Variants in LRFN2 observed in about 807,000 individuals in gnomAD.
The protein encoded by LRFN2 is leucine rich repeat and fibronectin type III domain containing 2, also known as leucine-rich repeat and fibronectin type-III domain-containing protein 2.
Under a neutral mutation model 37.3 loss-of-function variants are expected in LRFN2, and 18 were observed. The observed-to-expected ratio is 0.48, with a 90% CI of 0.33 to 0.72. The LOEUF (loss-of-function observed/expected upper bound fraction) is 0.72. Ranked by LOEUF, LRFN2 falls within the 30% of genes least tolerant of loss-of-function variation. The probability of loss-of-function intolerance (pLI) is 0.02; values close to 1 mark genes in which losing one functional copy is unlikely to be tolerated. For synonymous variants in LRFN2, 556 were observed against 466.6 expected (o/e 1.19, Z -2.47); for missense variants, 1,006 against 1,060.7 (o/e 0.95, Z 0.72).
intron 1 of LRFN2, among the ~76,000 whole-genome samples, chr6:40,474,564 A>G (rs184963020): frequency 2.2e-3 from 331 of 152,280 alleles, no homozygotes; most frequent in African/African-American, 7.4e-3. Context: ...ATCTGGGCTC[A>G]CTGCAACCTC....
chr6:40,466,101 G>A lies in LRFN2; in HGVS notation c.-18-32970C>T, dbSNP rs558321025. 8.5e-5 allele frequency among the ~76,000 whole-genome samples: 13 copies of A among 152,292 alleles called. No homozygotes were observed. In the East Asian group the frequency reaches 2.5e-3, roughly 29 times the overall value. On this transcript the variant is annotated intron_variant, in intron 1 of 2. Coordinates refer to ENST00000338305, the MANE Select transcript of LRFN2 (RefSeq NM_020737.3). ...GACTCTCTCTTTCATTAGCCACCGA[G>A]CACTTCTTTGGGGTCTGAGATCATG...
intron 1 of LRFN2, among the ~76,000 whole-genome samples, chr6:40,583,740 T>G (rs1470862856): frequency 6.6e-6 from 1 of 152,092 alleles, no homozygotes; most frequent in East Asian, 1.9e-4. Flanking sequence ...ACTACACAGA[T>G]AGGACCCAGT....
At chr6:40,553,883 C>T (rs763217289) in intron 1 of LRFN2, among the ~76,000 whole-genome samples, 43 of 152,322 alleles carry the variant, frequency 2.8e-4, no homozygotes, top group Admixed American at 1.9e-3. Flanking sequence ...CTTCTCACCT[C>T]TGGGGTCTTC....
At chr6:40,471,189 G>A (rs1389119429) in intron 1 of LRFN2, among the ~76,000 whole-genome samples, 1 of 152,180 alleles carries the variant, frequency 6.6e-6, no homozygotes, top group Non-Finnish European at 1.5e-5. Flanking sequence ...GTCTGGGAAA[G>A]GGGATGGGGC....
In LRFN2 at chr6:40,564,048, T is replaced by A. The variant is rs77326076; in HGVS notation, c.-19+22893A>T. ...CCCTGTAAGGTCAGCATTCTTTTTATCTCCATTTTAGAGTTGAATATGTTG... is the reference window on the plus strand; with the variant it reads ...CCCTGTAAGGTCAGCATTCTTTTTAACTCCATTTTAGAGTTGAATATGTTG... On this transcript the variant is annotated intron_variant, in intron 1 of 2. Transcript: ENST00000338305. Among the ~76,000 whole-genome samples the A allele has an allele frequency of 5.6e-3, 852 of 152,342 alleles. 9 individuals are homozygous for A. Among genetic ancestry groups the A allele is most frequent in the African/African-American group, 0.018 (747 of 41,574 alleles).
intron 1 of LRFN2, among the ~76,000 whole-genome samples, chr6:40,584,181 C>A (rs1767458281): frequency 6.6e-6 from 1 of 152,196 alleles, no homozygotes; most frequent in Non-Finnish European, 1.5e-5. Context: ...TACTATCCTC[C>A]ATGTCTCTGA....
chr6:40,396,381 C>T (rs1225087586), intron 2 of LRFN2, among the ~76,000 whole-genome samples: 1 of 152,196 alleles, frequency 6.6e-6, no homozygotes, highest in African/African-American at 2.4e-5. Flanking sequence ...CGTCTTCCTG[C>T]CCTTCCTGGG....
intron 1 of LRFN2, among the ~76,000 whole-genome samples, chr6:40,463,335 A>G (rs566292472): frequency 6.6e-6 from 1 of 152,082 alleles, no homozygotes; most frequent in Admixed American, 6.6e-5. Context: ...GAGGCTCTTT[A>G]TCTCTCCCCT....
At chr6:40,508,195 G>A (rs925841931) in intron 1 of LRFN2, among the ~76,000 whole-genome samples, 1 of 152,220 alleles carries the variant, frequency 6.6e-6, no homozygotes, top group African/African-American at 2.4e-5. Context: ...ACAGTGGCTT[G>A]TATCTAGTAC....
rs113130494 is a variant in LRFN2, at chr6:40,447,727, T to C, written c.-18-14596A>G. Among the ~76,000 whole-genome samples the C allele has an allele frequency of 7.9e-4, 121 of 152,288 alleles. 1 individual carries two copies. The highest frequency in any genetic ancestry group is 2.8e-3 in the African/African-American group (115 of 41,554). ...CTATGAAGTGGGTGTGGTAGTTATT[T>C]CTATTTACAGATAAGGTGAGGCCCA... On this transcript the variant is annotated intron_variant, in intron 1 of 2. Coordinates refer to ENST00000338305, the MANE Select transcript of LRFN2 (RefSeq NM_020737.3).
chr6:40,505,418 T>C (rs888064277), intron 1 of LRFN2, among the ~76,000 whole-genome samples: 6 of 152,230 alleles, frequency 3.9e-5, no homozygotes, highest in Non-Finnish European at 8.8e-5. Context: ...TCTCTAAGTA[T>C]GTAATTTCGC....
intron 1 of LRFN2, among the ~76,000 whole-genome samples, chr6:40,453,513 AACACACACACACACAC>A (rs5875719): frequency 1.8e-4 from 22 of 119,740 alleles, no homozygotes; most frequent in East Asian, 4.9e-4. Context: ...CCCCAAGCCA[AACACACACACACACAC>A]ACACACACAC....
At chr6:40,513,598 A>C (rs1765775701) in intron 1 of LRFN2, among the ~76,000 whole-genome samples, 1 of 152,140 alleles carries the variant, frequency 6.6e-6, no homozygotes, top group South Asian at 2.1e-4. Context: ...CAAAATGAAA[A>C]ATGATCTCCA....
chr6:40,504,695 C>T (rs1233934200), intron 1 of LRFN2, among the ~76,000 whole-genome samples: 1 of 152,184 alleles, frequency 6.6e-6, no homozygotes, highest in Non-Finnish European at 1.5e-5. Context: ...AAATCACCTG[C>T]TCTCACCAAG....
intron 1 of LRFN2, among the ~76,000 whole-genome samples, chr6:40,472,619 C>G (rs1326182259): frequency 2.0e-5 from 3 of 152,336 alleles, no homozygotes; most frequent in Non-Finnish European, 2.9e-5. Context: ...CTTCCCTCCT[C>G]CTGATGCTGG....
intron 1 of LRFN2, among the ~76,000 whole-genome samples, chr6:40,452,401 C>T (rs376974032): frequency 6.6e-6 from 1 of 152,198 alleles, no homozygotes; most frequent in East Asian, 1.9e-4. Flanking sequence ...GAATTAGCCA[C>T]ATCAGTTAGC....
At chr6:40,437,590 G>T (rs1258183431) in intron 1 of LRFN2, among the ~76,000 whole-genome samples, 2 of 152,198 alleles carry the variant, frequency 1.3e-5, no homozygotes, top group Non-Finnish European at 2.9e-5. Flanking sequence ...CAGCATGGAA[G>T]ATTACTGACA....
At chr6:40,454,494 G>T (rs1764193503) in intron 1 of LRFN2, among the ~76,000 whole-genome samples, 1 of 152,128 alleles carries the variant, frequency 6.6e-6, no homozygotes, top group African/African-American at 2.4e-5. Flanking sequence ...TGGGGCTGCA[G>T]GGAAGTTTTA....
Position 40,432,041 on chromosome 6 carries a change from G to C in LRFN2, c.1073C>G (p.Thr358Ser), listed in dbSNP as rs766395317. The change falls in exon 2 of 3, where the codon ACC (threonine) becomes AGC (serine). Residue 358 changes from threonine (T) to serine (S), a missense_variant. By Grantham distance (58) the Thr-to-Ser change is moderately conservative (BLOSUM62 1). Coordinates refer to ENST00000338305, the MANE Select transcript of LRFN2 (RefSeq NM_020737.3). ...ITTSQDSGAFTCIAANAAGEA... is the reference protein window; with the variant it reads ...ITTSQDSGAFSCIAANAAGEA... Reference sequence around the variant, plus strand: ...TCCGGCAGCATTGGCAGCAATGCAGGTGAAGGCACCACTGTCCTGAGATGT... The same window carrying C: ...TCCGGCAGCATTGGCAGCAATGCAGCTGAAGGCACCACTGTCCTGAGATGT... The C allele has an allele frequency of 6.2e-7, 1 of 1,613,916 alleles. No homozygotes were observed. Among genetic ancestry groups the C allele is most frequent in the Admixed American group, 1.7e-5 (1 of 60,010 alleles).
Sources: gnomAD v4.1 joint callset for allele counts (sites outside exome capture counted in the v4.1 genomes callset) on GRCh38, gnomAD v4.1.1 for gene constraint, MANE v1.5 for transcripts, NCBI Gene and HGNC (gene_info 2026-07-23, HGNC 2026-07-21) for gene names.